Variants in CACNB2 observed in about 807,000 individuals in gnomAD.
The protein encoded by CACNB2 is voltage-dependent L-type calcium channel subunit beta-2.
CACNB2 carries 42 observed loss-of-function variants against 73.3 expected under a neutral mutation model. The observed-to-expected ratio is 0.57, with a 90% CI of 0.45 to 0.74. The LOEUF (loss-of-function observed/expected upper bound fraction) is 0.74, where lower values mean the gene tolerates loss of function less well. CACNB2 is among the 30% of genes least tolerant of loss of function. CACNB2 has a pLI of 0.00. For synonymous variants in CACNB2, 348 were observed against 310.3 expected, an observed-to-expected ratio of 1.12 and a Z score of -1.28; for missense variants, 940 against 853.0, an observed-to-expected ratio of 1.10 and a Z score of -1.27.
At chr10:18,348,306 C>T (rs1240595367) in intron 2 of CACNB2, among the ~76,000 whole-genome samples, 1 of 152,148 alleles carries the variant, frequency 6.6e-6, no homozygotes, top group African/African-American at 2.4e-5. Context: ...ATTTAGAATA[C>T]TTACTGAATG....
chr10:18,485,296 A>G (rs1177738897), intron 3 of CACNB2, among the ~76,000 whole-genome samples: 1 of 152,186 alleles, frequency 6.6e-6, no homozygotes, highest in Non-Finnish European at 1.5e-5. Flanking sequence ...TAATCAGACA[A>G]GGATAACTAG....
intron 2 of CACNB2, among the ~76,000 whole-genome samples, chr10:18,282,368 G>T (rs1451562687): frequency 2.0e-5 from 3 of 152,304 alleles, no homozygotes; most frequent in Admixed American, 6.5e-5. Context: ...ATCTCTTTCA[G>T]CCCCCTCCGT....
At chr10:18,260,581 G>C (rs2037491650) in intron 2 of CACNB2, 1 of 985,910 alleles carries the variant, frequency 1.0e-6, no homozygotes, top group African/African-American at 1.7e-5. Context: ...GGATGTTTCT[G>C]TAGTCCTAGG....
At chr10:18,518,840 G>A (rs2051540447) in intron 8 of CACNB2, 70 bp from the exon 9 acceptor site, 9 of 1,376,932 alleles carry the variant, frequency 6.5e-6, no homozygotes, top group Non-Finnish European at 9.3e-6. Context: ...CCTAAGAGAA[G>A]TAAAATTGTT....
intron 3 of CACNB2, among the ~76,000 whole-genome samples, chr10:18,482,104 G>C (rs1342218505): frequency 6.6e-6 from 1 of 152,030 alleles, no homozygotes; most frequent in Admixed American, 6.6e-5. Context: ...ATGTTGTCCA[G>C]GCTGGTCTCA....
At chr10:18,228,866 G>A (rs1028591269) in intron 2 of CACNB2, among the ~76,000 whole-genome samples, 2 of 152,086 alleles carry the variant, frequency 1.3e-5, no homozygotes, top group African/African-American at 2.4e-5. Context: ...AGCCTCCCAA[G>A]TAGCTGGGAT....
intron 2 of CACNB2, among the ~76,000 whole-genome samples, chr10:18,398,253 C>T (rs2043812608): frequency 6.6e-6 from 1 of 152,214 alleles, no homozygotes; most frequent in African/African-American, 2.4e-5. Context: ...AAACATGCAA[C>T]AGCTTCAGAT....
rs1383066630 is a variant in CACNB2 at position 18,540,367 on chromosome 10, TAG to T, written c.*646_*647del. 1 of 152,188 alleles carries T rather than the reference TAG, an allele frequency of 6.6e-6. No individual in the cohort carries two copies. The highest frequency in any genetic ancestry group is 1.5e-5 in the Non-Finnish European group (1 of 67,968). The allele number at this position is 152,188 out of a possible 1,614,324, so 9.4% of individuals were successfully genotyped here. ...ATATATCAGTTTGATCACACTATTT[TAG>T]AGTCTTAATGCCAAGTCAGCAGATT... On this transcript the variant is annotated 3_prime_UTR_variant, in exon 14 of 14. Transcript: ENST00000324631.
At chr10:18,424,265 A>T (rs1200712535) in intron 3 of CACNB2, among the ~76,000 whole-genome samples, 1 of 152,200 alleles carries the variant, frequency 6.6e-6, no homozygotes, top group South Asian at 2.1e-4. Flanking sequence ...CAGCTCCTCT[A>T]CTGCCCCTGC....
intron 7 of CACNB2, among the ~76,000 whole-genome samples, chr10:18,516,776 G>A (rs1431373955): frequency 1.3e-5 from 2 of 150,802 alleles, no homozygotes; most frequent in Non-Finnish European, 2.9e-5. Flanking sequence ...AGTGGTGCTT[G>A]TGTGGTACGT....
chr10:18,229,667 T>A (rs931885662), intron 2 of CACNB2, among the ~76,000 whole-genome samples: 2 of 152,166 alleles, frequency 1.3e-5, no homozygotes, highest in South Asian at 4.1e-4. Flanking sequence ...TCATATTTGT[T>A]AAATCAAAAG....
At chr10:18,393,289 A>C (rs1412314379) in intron 2 of CACNB2, among the ~76,000 whole-genome samples, 2 of 152,168 alleles carry the variant, frequency 1.3e-5, no homozygotes, top group Admixed American at 1.3e-4. Context: ...CACATACATA[A>C]TGTTCTAATT....
chr10:18,486,450 A>G (rs1225791125), intron 3 of CACNB2, among the ~76,000 whole-genome samples: 2 of 152,210 alleles, frequency 1.3e-5, no homozygotes, highest in Non-Finnish European at 2.9e-5. Flanking sequence ...AGAAGGCTGT[A>G]AGAAAATAAA....
intron 2 of CACNB2, among the ~76,000 whole-genome samples, chr10:18,259,552 A>C (rs1258991309): frequency 1.6e-5 from 2 of 122,120 alleles, no homozygotes; most frequent in Non-Finnish European, 3.4e-5. Context: ...TGAAAAAAAA[A>C]CAAAAAACAA....
chr10:18,261,392 C>G (rs1175073291), intron 2 of CACNB2: 9 of 1,549,594 alleles, frequency 5.8e-6, no homozygotes, highest in Middle Eastern at 1.7e-4. Context: ...CATGTTGCCT[C>G]TTTCAGCTGT....
At chr10:18,301,568 C>A (rs989431815) in intron 2 of CACNB2, among the ~76,000 whole-genome samples, 1 of 151,892 alleles carries the variant, frequency 6.6e-6, no homozygotes, top group Non-Finnish European at 1.5e-5. Flanking sequence ...GCACTCCAGC[C>A]TGGGTAACAG....
chr10:18,266,042 G>T (rs1375228450), intron 2 of CACNB2, among the ~76,000 whole-genome samples: 1 of 152,194 alleles, frequency 6.6e-6, no homozygotes, highest in African/African-American at 2.4e-5. Flanking sequence ...GTCACCAAAT[G>T]ATATTGCATT....
intron 2 of CACNB2, among the ~76,000 whole-genome samples, chr10:18,299,888 C>T (rs2039439116): frequency 6.6e-6 from 1 of 152,168 alleles, no homozygotes; most frequent in Non-Finnish European, 1.5e-5. Context: ...TTAAAATCAC[C>T]TCTGATGCCA....
chr10:18,498,279 C>G (rs776521884), intron 3 of CACNB2, 76 bp from the exon 4 acceptor site: 2 of 1,556,178 alleles, frequency 1.3e-6, no homozygotes, highest in Non-Finnish European at 1.8e-6. Flanking sequence ...TTCAGTATGT[C>G]TTTGTGTTTG....
Sources: allele counts gnomAD v4.1 joint callset (sites outside exome capture counted in the v4.1 genomes callset), GRCh38; gene constraint gnomAD v4.1.1; transcripts MANE v1.5; gene names NCBI Gene and HGNC (gene_info 2026-07-23, HGNC 2026-07-21).